Variants in ASPSCR1 observed in about 807,000 individuals in gnomAD.
ASPSCR1 encodes tether containing UBX domain for GLUT4.
ASPSCR1 carries 55 observed loss-of-function variants against 68.9 expected under a neutral mutation model. That is an observed-to-expected ratio of 0.80 (90% CI 0.64 to 1.00). The LOEUF (loss-of-function observed/expected upper bound fraction) is 1.00, where lower values mean the gene tolerates loss of function less well. Among genes scored for constraint, ASPSCR1 ranks in the 50% least tolerant of loss-of-function variants. The probability of loss-of-function intolerance (pLI) is 0.00; values close to 1 mark genes in which losing one functional copy is unlikely to be tolerated. For missense variants in ASPSCR1, 765 were observed against 762.2 expected (o/e 1.00, Z -0.04); for synonymous variants, 352 against 332.6 (o/e 1.06, Z -0.63).
intron 4 of ASPSCR1, among the ~76,000 whole-genome samples, chr17:81,988,616 C>A (rs1468777211): frequency 6.6e-6 from 1 of 152,196 alleles, no homozygotes; most frequent in Non-Finnish European, 1.5e-5. Flanking sequence ...TGCACGTACA[C>A]CTCATTTGAT....
At position 82,011,521 on chromosome 17, in the gene ASPSCR1, ATGTT is replaced by A; in HGVS notation, c.1238-21_1238-18del. Reference sequence around the variant, plus strand: ...CTGGCGTGGTGGAAGAGCTGTCTGTATGTTCTTTTTCTCCTCTGCAGTGGGGGAC... The same window carrying A: ...CTGGCGTGGTGGAAGAGCTGTCTGTACTTTTTCTCCTCTGCAGTGGGGGAC... On this transcript the variant is annotated intron_variant, in intron 10 of 15. Transcript: ENST00000306739. 6.4e-7 allele frequency: 1 copy of A among 1,571,676 alleles called. No homozygotes were observed. Among genetic ancestry groups the A allele is most frequent in the Non-Finnish European group, 8.6e-7 (1 of 1,164,286 alleles).
chr17:81,991,354 C>T (rs1258041378), intron 4 of ASPSCR1, among the ~76,000 whole-genome samples: 2 of 152,300 alleles, frequency 1.3e-5, no homozygotes, highest in Admixed American at 6.5e-5. Flanking sequence ...GCATCTCAGC[C>T]TGTTCCTCCT....
intron 7 of ASPSCR1, among the ~76,000 whole-genome samples, chr17:82,000,322 G>T: frequency 6.6e-6 from 1 of 152,248 alleles, no homozygotes; most frequent in Middle Eastern, 3.2e-3. Context: ...GTTGGGGTGG[G>T]GTCTTGGCTG....
At position 82,004,330 on chromosome 17, in the gene ASPSCR1, CG is replaced by C. The variant is rs559741070; in HGVS notation, c.934-4705del. ...CTGCCCGTCCTTTCTGGCCTTTCTC[CG>C]GCCCCCTTCCAGTTTCGGGGCATCT... On this transcript the variant is annotated intron_variant, in intron 7 of 15. Coordinates refer to ENST00000306739, the MANE Select transcript of ASPSCR1 (RefSeq NM_024083.4). 202 of 152,110 alleles carry C rather than the reference CG, an allele frequency of 1.3e-3. 1 individual carries two copies. Among genetic ancestry groups the C allele is most frequent in the Non-Finnish European group, 1.5e-3 (103 of 68,024 alleles). The allele number at this position is 152,110 out of a possible 1,614,324, so 9.4% of individuals were successfully genotyped here.
intron 15 of ASPSCR1, 68 bp from the exon 16 acceptor site, chr17:82,017,241 C>T (rs1471313626): frequency 1.9e-6 from 3 of 1,602,724 alleles, no homozygotes; most frequent in East Asian, 2.2e-5. Flanking sequence ...TTCAGCCGGG[C>T]TGGTGGGCGG....
chr17:81,997,787 C>CCTAAT, intron 7 of ASPSCR1, among the ~76,000 whole-genome samples: 7 of 150,612 alleles, frequency 4.6e-5, no homozygotes, highest in South Asian at 2.1e-4. Flanking sequence ...CCGCGCCCAG[C>CCTAAT]TCTTTTTTCT....
At chr17:81,985,150 G>T (rs934190950) in intron 3 of ASPSCR1, among the ~76,000 whole-genome samples, 1 of 126,644 alleles carries the variant, frequency 7.9e-6, no homozygotes, top group African/African-American at 3.0e-5. Flanking sequence ...ACATCTGCAC[G>T]CACATGCGCA....
At position 81,983,652 on chromosome 17, in the gene ASPSCR1, A is replaced by T. The variant is rs2041870351; in HGVS notation, c.257A>T (p.Glu86Val). The change falls in exon 3 of 16, where the codon GAG becomes GTG. Residue 86 changes from glutamate (E) to valine (V), a missense_variant. Coordinates refer to ENST00000306739, the MANE Select transcript of ASPSCR1 (RefSeq NM_024083.4). This position sits in a 1 kb window ranked among gnomAD's most constrained non-coding sequence, Gnocchi z 4.4. ...LEMVPASRSR[E>V]GPENMVRIAL... is the part of the protein sequence containing the mutation. ...ATGGTGCCCGCTTCCCGGAGCCGTG[A>T]GGGGCCTGAGAACATGGTGGGTCGT... 6.2e-7 allele frequency: 1 copy of T among 1,609,302 alleles called. No homozygotes were observed. The highest frequency in any genetic ancestry group is 8.5e-7 in the Non-Finnish European group (1 of 1,178,250).
At chr17:82,012,117 G>C (rs2042968304) in intron 11 of ASPSCR1, 114 bp from the exon 12 acceptor site, 1 of 1,253,666 alleles carries the variant, frequency 8.0e-7, no homozygotes, top group Admixed American at 1.8e-5. Context: ...CTCGTGAGGG[G>C]CTCTTCTGCC....
intron 12 of ASPSCR1, chr17:82,015,571 G>T (rs2043095452): frequency 6.1e-6 from 4 of 652,584 alleles, no homozygotes; most frequent in Non-Finnish European, 1.0e-5. Context: ...GCCTCTGAGG[G>T]AGCCCTCTCG....
rs1427157423 is a variant in ASPSCR1, at chr17:81,987,828, CAA to C, written c.374+2222_374+2223del. On this transcript the variant is annotated intron_variant, in intron 4 of 15. Transcript: ENST00000306739. The surrounding 1 kb of genome is among the most constrained non-coding windows in gnomAD (Gnocchi z 5.6). Reference sequence around the variant, plus strand: ...CACCATTGCACTCTAGCCTGGGTGACAAGAGCAAAACTCCATCTCAAAAAAAC... The same window carrying C: ...CACCATTGCACTCTAGCCTGGGTGACGAGCAAAACTCCATCTCAAAAAAAC... Among the ~76,000 whole-genome samples, 4 of 151,360 alleles carry C rather than the reference CAA, an allele frequency of 2.6e-5. No individual in the cohort carries two copies. The highest frequency in any genetic ancestry group is 4.4e-5 in the Non-Finnish European group (3 of 67,864).
chr17:81,996,277 G>T, intron 6 of ASPSCR1, 143 bp from the exon 7 acceptor site: 1 of 1,425,540 alleles, frequency 7.0e-7, no homozygotes, highest in Non-Finnish European at 9.2e-7. Flanking sequence ...GGTGGATCTT[G>T]GGAGGGCGCA....
Position 81,983,689 on chromosome 17 carries a change from G to A in ASPSCR1, c.273+21G>A, listed in dbSNP as rs750815322. ...ACATGGTGGGTCGTGCTCTGGGGGA[G>A]GCTGACTGTGTGGGGCACAGGATCG... is the stretch of plus-strand genomic sequence containing the variant. On this transcript the variant is annotated intron_variant, in intron 3 of 15. Transcript: ENST00000306739. This position sits in a 1 kb window ranked among gnomAD's most constrained non-coding sequence, Gnocchi z 4.4. The A allele has an allele frequency of 1.0e-5, 16 of 1,581,570 alleles. No homozygotes were observed. In the South Asian group the frequency reaches 1.8e-4, roughly 18 times the overall value.
At chr17:81,984,846 C>T (rs921483916) in intron 3 of ASPSCR1, among the ~76,000 whole-genome samples, 2 of 138,632 alleles carry the variant, frequency 1.4e-5, no homozygotes, top group Non-Finnish European at 3.2e-5. Context: ...CACCCCTGCA[C>T]ACACCCCACA....
intron 7 of ASPSCR1, chr17:82,008,579 C>T (rs1040796643): frequency 3.1e-5 from 5 of 158,826 alleles, no homozygotes; most frequent in Admixed American, 6.5e-5. Flanking sequence ...AGGGAGGGGC[C>T]GGCTTGTTCC....
At chr17:82,002,789 C>T (rs1219707086) in intron 7 of ASPSCR1, among the ~76,000 whole-genome samples, 1 of 152,174 alleles carries the variant, frequency 6.6e-6, no homozygotes. Context: ...AATTCCTGAC[C>T]TCAGGTGATC....
intron 13 of ASPSCR1, 81 bp from the exon 14 acceptor site, chr17:82,016,719 G>C: frequency 1.3e-6 from 2 of 1,518,374 alleles, no homozygotes; most frequent in Non-Finnish European, 1.8e-6. Context: ...TCCCAGAGCT[G>C]AGTGCTGGTG....
chr17:82,017,321 G>A lies in ASPSCR1; in HGVS notation c.1661G>A (p.Ter554=), dbSNP rs775397832. The A allele has an allele frequency of 1.9e-6, 3 of 1,611,414 alleles. No individual in the cohort carries two copies. Among genetic ancestry groups the A allele is most frequent in the African/African-American group, 2.7e-5 (2 of 75,052 alleles). Residue 554 remains the stop codon, a stop_retained_variant, in exon 16 of 16, where the codon TGA becomes TAA. Coordinates refer to ENST00000306739, the MANE Select transcript of ASPSCR1 (RefSeq NM_024083.4). Reference sequence around the variant, plus strand: ...GTCTGCACTACAGCCAGCAAGAGGTGAGAGCTGCCAGCCTGAGGTGCCCAC... The same window carrying A: ...GTCTGCACTACAGCCAGCAAGAGGTAAGAGCTGCCAGCCTGAGGTGCCCAC... ...KWLKLPASKR[*]
chr17:81,985,415 C>A, intron 3 of ASPSCR1, 92 bp from the exon 4 acceptor site: 3 of 1,370,736 alleles, frequency 2.2e-6, no homozygotes, highest in South Asian at 1.2e-5. Flanking sequence ...GCGGGGCAGT[C>A]ACCCTCTCTG....
Sources: allele counts gnomAD v4.1 joint callset (sites outside exome capture counted in the v4.1 genomes callset), GRCh38; gene constraint gnomAD v4.1.1; non-coding constraint Gnocchi (gnomAD v3.1); transcripts MANE v1.5; gene names NCBI Gene and HGNC (gene_info 2026-07-23, HGNC 2026-07-21).